Variants in ZNG1E observed in about 807,000 individuals in gnomAD.
The protein encoded by ZNG1E is zinc-regulated GTPase metalloprotein activator 1E.
chr9:65,673,743 T>C, the ZNG1E span, among the ~76,000 whole-genome samples: 7 of 152,280 alleles, frequency 4.6e-5, no homozygotes, highest in Non-Finnish European at 8.8e-5. Flanking sequence ...AGTTTAGGAC[T>C]GCAGTGAGCT....
the ZNG1E span, among the ~76,000 whole-genome samples, chr9:65,710,799 G>C: frequency 6.7e-6 from 1 of 148,846 alleles, no homozygotes; most frequent in African/African-American, 2.5e-5. Context: ...GATGCCTCCA[G>C]CTTTGTTCTT....
At chr9:65,661,044 G>T in the ZNG1E span, among the ~76,000 whole-genome samples, 1 of 147,836 alleles carries the variant, frequency 6.8e-6, no homozygotes, top group South Asian at 2.1e-4. Flanking sequence ...GGAAACTTGG[G>T]CCATGTACTG....
the ZNG1E span, among the ~76,000 whole-genome samples, chr9:65,668,156 T>A: frequency 1.3e-5 from 2 of 151,574 alleles, no homozygotes; most frequent in African/African-American, 2.4e-5. Context: ...ATGTACTCTA[T>A]CTTTCTGTTA....
At chr9:65,663,154 A>G in the ZNG1E span, among the ~76,000 whole-genome samples, 3 of 152,270 alleles carry the variant, frequency 2.0e-5, no homozygotes, top group South Asian at 2.1e-4. Flanking sequence ...TTTCTCTCCA[A>G]TGTTTACTGA....
At chr9:65,710,218 A>G in the ZNG1E span, among the ~76,000 whole-genome samples, 1 of 145,704 alleles carries the variant, frequency 6.9e-6, no homozygotes, top group Non-Finnish European at 1.5e-5. Flanking sequence ...TTTTTCTTGT[A>G]AATTTGTTTG....
the ZNG1E span, among the ~76,000 whole-genome samples, chr9:65,677,674 A>G: frequency 2.0e-5 from 3 of 152,226 alleles, no homozygotes; most frequent in African/African-American, 7.2e-5. Context: ...ACTGCGTCAC[A>G]CCTTTCAGTG....
At chr9:65,685,177 C>A in the ZNG1E span, among the ~76,000 whole-genome samples, 3 of 152,228 alleles carry the variant, frequency 2.0e-5, no homozygotes, top group Non-Finnish European at 2.9e-5. Flanking sequence ...TAACAATCAT[C>A]TCAGCTTTCA....
At chr9:65,719,351 T>A in the ZNG1E span, 1 of 135,526 alleles carries the variant, frequency 7.4e-6, no homozygotes, top group African/African-American at 3.2e-5. Context: ...CTCACTGTTT[T>A]CAAGGCAAAG....
the ZNG1E span, chr9:65,691,072 G>GTTTTTTTTTTTT: frequency 6.4e-7 from 1 of 1,568,356 alleles, no homozygotes; most frequent in African/African-American, 1.5e-5. Flanking sequence ...TTTTTTTTTT[G>GTTTTTTTTTTTT]TTTTTGTTTT....
chr9:65,719,298 C>G, the ZNG1E span: 1 of 140,990 alleles, frequency 7.1e-6, no homozygotes, highest in African/African-American at 2.9e-5. Context: ...ATAGTTCCTA[C>G]AAGTTCTTTC....
the ZNG1E span, among the ~76,000 whole-genome samples, chr9:65,668,405 C>A: frequency 1.4e-5 from 2 of 143,882 alleles, no homozygotes; most frequent in Non-Finnish European, 3.0e-5. Context: ...AGATACTCCA[C>A]GTTTTATCCT....
chr9:65,691,090 C>G, the ZNG1E span: 1 of 1,501,912 alleles, frequency 6.7e-7, no homozygotes, highest in Non-Finnish European at 8.8e-7. Context: ...TTTTTTTTTT[C>G]TGAGACAGAG....
chr9:65,661,001 C>G, the ZNG1E span, among the ~76,000 whole-genome samples: 1 of 147,274 alleles, frequency 6.8e-6, no homozygotes, highest in Non-Finnish European at 1.5e-5. Flanking sequence ...CATATTCTAT[C>G]TAAAGTGGAT....
chr9:65,676,639 CT>C, the ZNG1E span, among the ~76,000 whole-genome samples: 2 of 151,384 alleles, frequency 1.3e-5, no homozygotes, highest in African/African-American at 2.4e-5. Flanking sequence ...ATCTTAAACA[CT>C]TTTTTTTTGA....
chr9:65,728,732 C>A, the ZNG1E span, among the ~76,000 whole-genome samples: 1 of 147,844 alleles, frequency 6.8e-6, no homozygotes, highest in African/African-American at 2.6e-5. Context: ...AAAAAATTAC[C>A]AACAAAAAAA....
chr9:65,659,511 A>AAT, the ZNG1E span, among the ~76,000 whole-genome samples: 1 of 151,266 alleles, frequency 6.6e-6, no homozygotes, highest in Non-Finnish European at 1.5e-5. Flanking sequence ...AAAAAAAAAA[A>AAT]AAAGAGAGAG....
chr9:65,720,984 A>C, the ZNG1E span, among the ~76,000 whole-genome samples: 1,540 of 147,402 alleles, frequency 0.01, 8 homozygotes, highest in African/African-American at 0.039. Flanking sequence ...AAAAAAAAAA[A>C]AAAAACCCAG....
chr9:65,684,606 C>G, the ZNG1E span, among the ~76,000 whole-genome samples: 8 of 151,350 alleles, frequency 5.3e-5, no homozygotes, highest in Non-Finnish European at 1.2e-4. Context: ...AAATTTTATT[C>G]CAGGGATCTC....
At chr9:65,708,314 G>A in the ZNG1E span, 1 of 147,028 alleles carries the variant, frequency 6.8e-6, no homozygotes, top group African/African-American at 2.7e-5. Context: ...AATTAAATGA[G>A]TTTAATTATC....
Sources: gnomAD v4.1 joint callset for allele counts (sites outside exome capture counted in the v4.1 genomes callset) on GRCh38, gnomAD v4.1.1 for gene constraint, MANE v1.5 for transcripts, NCBI Gene and HGNC (gene_info 2026-07-23, HGNC 2026-07-21) for gene names.